ASXL3: variants seen among roughly 807,000 people sequenced by gnomAD.
The protein encoded by ASXL3 is putative Polycomb group protein ASXL3.
ASXL3 carries 34 observed loss-of-function variants against 170.6 expected under a neutral mutation model. That is an observed-to-expected ratio of 0.20 (90% CI 0.15 to 0.27). The LOEUF (loss-of-function observed/expected upper bound fraction) is 0.27. ASXL3 is among the 10% of genes least tolerant of loss of function. The probability of loss-of-function intolerance (pLI) is 1.00; values close to 1 mark genes in which losing one functional copy is unlikely to be tolerated. For synonymous variants in ASXL3, 1,002 were observed against 989.1 expected (o/e 1.01, Z -0.24); for missense variants, 2,592 against 2,695.3 (o/e 0.96, Z 0.85).
intron 4 of ASXL3, among the ~76,000 whole-genome samples, chr18:33,660,344 A>T (rs2145230216): frequency 6.6e-6 from 1 of 152,100 alleles, no homozygotes; most frequent in South Asian, 2.1e-4. Flanking sequence ...AAACTTGATT[A>T]TTTTCTTCCC....
At chr18:33,676,653 G>A (rs1198590873) in intron 7 of ASXL3, among the ~76,000 whole-genome samples, 1 of 152,180 alleles carries the variant, frequency 6.6e-6, no homozygotes, top group Non-Finnish European at 1.5e-5. Flanking sequence ...AACAGTAAAT[G>A]TTAGACTACC....
chr18:33,675,001 G>A (rs761247138), intron 7 of ASXL3, among the ~76,000 whole-genome samples: 1 of 152,118 alleles, frequency 6.6e-6, no homozygotes, highest in African/African-American at 2.4e-5. Context: ...GGTTATTTAC[G>A]TACATTCTGC....
At position 33,646,666 on chromosome 18, in the gene ASXL3, A is replaced by G. The variant is rs557769688; in HGVS notation, c.355+313A>G. Among the ~76,000 whole-genome samples the G allele has an allele frequency of 1.1e-4, 17 of 151,904 alleles. No individual in the cohort carries two copies. In the South Asian group the frequency reaches 3.3e-3, roughly 30 times the overall value. On this transcript the variant is annotated intron_variant, in intron 4 of 11. Coordinates refer to ENST00000269197, the MANE Select transcript of ASXL3 (RefSeq NM_030632.3). ...GGGGGCATCTAGTGGTTTCATTCTT[A>G]TGGGAGGACTGAGAATGCTAATGTT...
At chr18:33,695,581 A>G (rs1019273916) in intron 8 of ASXL3, among the ~76,000 whole-genome samples, 1 of 152,180 alleles carries the variant, frequency 6.6e-6, no homozygotes, top group African/African-American at 2.4e-5. Context: ...GCTTCAGTGT[A>G]TGTAAAATAA....
At chr18:33,640,742 G>A (rs1018299817) in intron 2 of ASXL3, among the ~76,000 whole-genome samples, 18 of 151,874 alleles carry the variant, frequency 1.2e-4, no homozygotes, top group African/African-American at 4.1e-4. Flanking sequence ...CTTGAAAGAA[G>A]CATTATTAAT....
chr18:33,617,390 CTGAGGCAGGAGAA>C (rs980436718), intron 2 of ASXL3, among the ~76,000 whole-genome samples: 62 of 152,202 alleles, frequency 4.1e-4, no homozygotes, highest in African/African-American at 1.4e-3. Context: ...ACTCTGGAGG[CTGAGGCAGGAGAA>C]TTGCTTGAAC....
At chr18:33,714,646 C>T (rs1599532927) in intron 8 of ASXL3, among the ~76,000 whole-genome samples, 1 of 151,972 alleles carries the variant, frequency 6.6e-6, no homozygotes, top group East Asian at 1.9e-4. Context: ...ACGTTTTCCC[C>T]AACTCAGCTT....
intron 7 of ASXL3, among the ~76,000 whole-genome samples, chr18:33,680,278 T>A (rs1195023466): frequency 6.6e-6 from 1 of 152,066 alleles, no homozygotes; most frequent in Non-Finnish European, 1.5e-5. Flanking sequence ...ATTAGATAAT[T>A]GATACCTTTC....
At chr18:33,659,068 G>C (rs2066130216) in intron 4 of ASXL3, among the ~76,000 whole-genome samples, 1 of 152,026 alleles carries the variant, frequency 6.6e-6, no homozygotes. Context: ...ATGTCTGATG[G>C]TTTCCTAGGT....
chr18:33,726,446 A>G (rs953205377), intron 8 of ASXL3, among the ~76,000 whole-genome samples: 5 of 152,164 alleles, frequency 3.3e-5, no homozygotes, highest in African/African-American at 1.2e-4. Flanking sequence ...AGAACTAGAA[A>G]TACGGCTCAC....
chr18:33,655,254 CT>C (rs1281702129), intron 4 of ASXL3, among the ~76,000 whole-genome samples: 44 of 152,046 alleles, frequency 2.9e-4, no homozygotes, highest in African/African-American at 1.0e-3. Flanking sequence ...TGCATTTTTT[CT>C]GAAAATCTCT....
chr18:33,686,318 T>C (rs997916917), intron 8 of ASXL3, among the ~76,000 whole-genome samples: 4 of 152,228 alleles, frequency 2.6e-5, no homozygotes, highest in African/African-American at 9.6e-5. Context: ...GCAAGTGTAA[T>C]ACTCTGTGCT....
At chr18:33,618,580 T>C (rs1332732940) in intron 2 of ASXL3, among the ~76,000 whole-genome samples, 1 of 152,136 alleles carries the variant, frequency 6.6e-6, no homozygotes, top group Admixed American at 6.6e-5. Flanking sequence ...TTTTTGGAAG[T>C]TTTAAGGCAT....
chr18:33,674,822 G>A (rs1417897884), intron 7 of ASXL3, among the ~76,000 whole-genome samples: 1 of 151,882 alleles, frequency 6.6e-6, no homozygotes, highest in Non-Finnish European at 1.5e-5. Context: ...GTTTCACCAT[G>A]TTAGCCAGGA....
chr18:33,746,214 C>A lies in ASXL3; in HGVS notation c.6366C>A (p.Phe2122Leu), dbSNP rs779258887. Residue 2122 changes from phenylalanine to leucine, a missense_variant, in exon 12 of 12, where the codon TTC becomes TTA. Physicochemically the swap from Phe to Leu is conservative, Grantham distance 22. Transcript: ENST00000269197. Reference protein sequence around the residue: ...LKAFALKSADFSSYLLSEPQK... With the variant: ...LKAFALKSADLSSYLLSEPQK... ...CATTCGCGCTAAAAAGTGCAGATTTCTCTTCCTATTTGCTTTCTGAGCCAC... is the reference window on the plus strand; with the variant it reads ...CATTCGCGCTAAAAAGTGCAGATTTATCTTCCTATTTGCTTTCTGAGCCAC... The A allele has an allele frequency of 3.1e-6, 5 of 1,613,900 alleles. No homozygotes were observed. Among genetic ancestry groups the A allele is most frequent in the South Asian group, 2.2e-5 (2 of 91,076 alleles).
chr18:33,626,836 A>T (rs1443169045), intron 2 of ASXL3: 1 of 152,750 alleles, frequency 6.5e-6, no homozygotes, highest in Non-Finnish European at 1.5e-5. Flanking sequence ...GTTTTACTAT[A>T]TATACACATA....
At chr18:33,669,105 A>T (rs1200660286) in intron 5 of ASXL3, among the ~76,000 whole-genome samples, 2 of 152,246 alleles carry the variant, frequency 1.3e-5, no homozygotes, top group African/African-American at 2.4e-5. Context: ...ATTCTGTTTT[A>T]TTATTGATTG....
At chr18:33,607,441 C>A (rs987493119) in intron 1 of ASXL3, among the ~76,000 whole-genome samples, 153 bp from the exon 2 acceptor site, 2 of 151,942 alleles carry the variant, frequency 1.3e-5, no homozygotes, top group African/African-American at 4.8e-5. Flanking sequence ...AAATTACGTT[C>A]TTCCTTTGGA....
chr18:33,586,561 C>T (rs1208358560), intron 1 of ASXL3, among the ~76,000 whole-genome samples: 1 of 152,002 alleles, frequency 6.6e-6, no homozygotes, highest in African/African-American at 2.4e-5. Context: ...CTTTCCATCA[C>T]TTTTAACTCT....
Sources: allele counts gnomAD v4.1 joint callset (sites outside exome capture counted in the v4.1 genomes callset), GRCh38; gene constraint gnomAD v4.1.1; transcripts MANE v1.5; gene names NCBI Gene and HGNC (gene_info 2026-07-23, HGNC 2026-07-21).